ING1: variants seen among roughly 807,000 people sequenced by gnomAD.
ING1 encodes inhibitor of growth family member 1.
Under a neutral mutation model 23.1 loss-of-function variants are expected in ING1, and 4 were observed. That is an observed-to-expected ratio of 0.17 (90% confidence interval 0.09 to 0.40). The LOEUF is 0.40. ING1 is among the 10% of genes least tolerant of loss of function. The pLI is 1.00. For missense variants in ING1, 256 were observed against 393.8 expected (o/e 0.65, Z 2.96); for synonymous variants, 179 against 166.4 (o/e 1.08, Z -0.58).
intron 1 of ING1, chr13:110,715,294 T>G: frequency 7.3e-7 from 1 of 1,363,664 alleles, no homozygotes; most frequent in Non-Finnish European, 9.4e-7. Context: ...AAAAAAAAAA[T>G]TGACCGCTAT....
rs1318034724 is a variant in ING1, at chr13:110,719,206, A to C, written c.137-23A>C. On this transcript the variant is annotated intron_variant, in intron 1 of 1. Coordinates refer to ENST00000333219, the MANE Select transcript of ING1 (RefSeq NM_198219.3). The surrounding 1 kb of genome is among the most constrained non-coding windows in gnomAD (Gnocchi z 8.9). ...TGTCCCGGTGTCCTGCTCGCGAGTGACGCCTGTCCTTCTTGCCCCCAGAGA... is the reference window on the plus strand; with the variant it reads ...TGTCCCGGTGTCCTGCTCGCGAGTGCCGCCTGTCCTTCTTGCCCCCAGAGA... 6.2e-7 allele frequency: 1 copy of C among 1,610,090 alleles called. No individual in the cohort carries two copies. Among genetic ancestry groups the C allele is most frequent in the Non-Finnish European group, 8.5e-7 (1 of 1,177,986 alleles).
Position 110,719,517 on chromosome 13 carries a change from C to A in ING1, c.425C>A (p.Ala142Asp), listed in dbSNP as rs775697985. The change falls in exon 2 of 2, where the codon GCT becomes GAT. Residue 142 changes from alanine (A) to aspartate (D), a missense_variant. Ala to Asp is a moderately radical substitution (Grantham distance 126). Transcript: ENST00000333219. This position sits in a 1 kb window ranked among gnomAD's most constrained non-coding sequence, Gnocchi z 8.9. ...DRPKGEAAAQ[A>D]DKPNSKRSRR... is the part of the protein sequence containing the mutation. ...CCCAAAGGCGAGGCGGCAGCGCAGGCTGACAAGCCCAACAGCAAGCGCTCA... is the reference window on the plus strand; with the variant it reads ...CCCAAAGGCGAGGCGGCAGCGCAGGATGACAAGCCCAACAGCAAGCGCTCA... The A allele has an allele frequency of 1.2e-6, 2 of 1,611,108 alleles. No homozygotes were observed.
In ING1 at chr13:110,714,121, C is replaced by T; in HGVS notation, c.-29C>T. 1 of 1,506,236 alleles carries T rather than the reference C, an allele frequency of 6.6e-7. No individual in the cohort carries two copies. Among genetic ancestry groups the T allele is most frequent in the Admixed American group, 2.1e-5 (1 of 46,876 alleles). The allele number at this position is 1,506,236 out of a possible 1,614,324, so 93.3% of individuals were successfully genotyped here. The stretch of plus-strand genomic sequence containing the variant: ...GGGTGGAGGAAGCGGAAAGCCGCGC[C>T]GAGTCGCCGGGGACCTCCGGGGTGA... On this transcript the variant is annotated 5_prime_UTR_variant, in exon 1 of 2. Coordinates refer to ENST00000333219, the MANE Select transcript of ING1 (RefSeq NM_198219.3).
At chr13:110,713,120 C>T (rs572712703), upstream of ING1, 1 of 1,430,004 alleles carries the variant, frequency 7.0e-7, no homozygotes, top group Non-Finnish European at 9.1e-7. Context: ...AGTAAGAGTC[C>T]GGGGGGCATT....
In ING1 at chr13:110,719,143, C is replaced by T; in HGVS notation, c.137-86C>T. ...CGTGCGCTGGCCCCTAGGCTCCCTG[C>T]CAGCCCTCTCCGTAGACCCGTCCGG... is the stretch of plus-strand genomic sequence containing the variant. On this transcript the variant is annotated intron_variant, in intron 1 of 1. Transcript: ENST00000333219. This position sits in a 1 kb window ranked among gnomAD's most constrained non-coding sequence, Gnocchi z 8.9. 3.0e-6 allele frequency: 4 copies of T among 1,345,962 alleles called. No individual in the cohort carries two copies. Among genetic ancestry groups the T allele is most frequent in the Non-Finnish European group, 4.1e-6 (4 of 969,382 alleles). 83.4% of individuals were successfully genotyped at this position (1,345,962 alleles called of 1,614,324 possible).
At chr13:110,714,389 C>T in intron 1 of ING1, 104 bp downstream of exon 1, 1 of 1,125,156 alleles carries the variant, frequency 8.9e-7, no homozygotes, top group Non-Finnish European at 1.1e-6. Flanking sequence ...AGGAAGCGGC[C>T]GGCTCCGCAG....
chr13:110,713,320 C>T (rs896154385), upstream of ING1: 5 of 1,154,196 alleles, frequency 4.3e-6, no homozygotes, highest in Non-Finnish European at 5.4e-6. Flanking sequence ...TCGGAGGTTT[C>T]TGTCCCGCGG....
rs374944238 is a variant in ING1, at chr13:110,719,199, G to C, written c.137-30G>C. On this transcript the variant is annotated intron_variant, in intron 1 of 1. Coordinates refer to ENST00000333219, the MANE Select transcript of ING1 (RefSeq NM_198219.3). This position sits in a 1 kb window ranked among gnomAD's most constrained non-coding sequence, Gnocchi z 8.9. The stretch of plus-strand genomic sequence containing the variant: ...TGTGGGTTGTCCCGGTGTCCTGCTC[G>C]CGAGTGACGCCTGTCCTTCTTGCCC... 2.5e-6 allele frequency: 4 copies of C among 1,607,336 alleles called. No homozygotes were observed. In the East Asian group the frequency reaches 8.9e-5, roughly 36 times the overall value.
chr13:110,716,144 A>G (rs2064121041), intron 1 of ING1: 3 of 881,032 alleles, frequency 3.4e-6, no homozygotes, highest in South Asian at 2.7e-5. Context: ...GGCTGAGACC[A>G]CTTTGATCGT....
At chr13:110,715,045 T>G in intron 1 of ING1, 1 of 1,000,568 alleles carries the variant, frequency 1.0e-6, no homozygotes, top group Non-Finnish European at 1.2e-6. Flanking sequence ...ATCGCTGGCT[T>G]GGAGAGGACT....
At chr13:110,712,632 G>GGGGCGACGCGGGGGA (rs1404760538), upstream of ING1, 30 of 551,470 alleles carry the variant, frequency 5.4e-5, no homozygotes, top group East Asian at 9.3e-4. Context: ...GGAGGGTAGA[G>GGGGCGACGCGGGGGA]GGGCGACGCG....
Position 110,715,379 on chromosome 13 carries a change from T to C in ING1, c.136+1094T>C, listed in dbSNP as rs529512069. ...ATCCGAGACGTAGCTTCGCAGCGAA[T>C]TTTATAGGAACTTCATTAGCATATT... On this transcript the variant is annotated intron_variant, in intron 1 of 1. Transcript: ENST00000333219. The C allele has an allele frequency of 1.1e-5, 17 of 1,499,436 alleles. No homozygotes were observed. The East Asian group carries it at 1.6e-4, about 14-fold the overall frequency. The allele number at this position is 1,499,436 out of a possible 1,614,324, so 92.9% of individuals were successfully genotyped here.
In ING1 at chr13:110,721,285, T is replaced by C. The variant is rs2139978675; in HGVS notation, c.*1353T>C. 6.6e-6 allele frequency: 1 copy of C among 152,314 alleles called. No individual in the cohort carries two copies. Among genetic ancestry groups the C allele is most frequent in the East Asian group, 1.9e-4 (1 of 5,180 alleles). 9.4% of individuals were successfully genotyped at this position (152,314 alleles called of 1,614,324 possible). A position where few individuals can be genotyped will look rare whatever the true frequency, so the allele number is the denominator to read the frequency against. On this transcript the variant is annotated 3_prime_UTR_variant, in exon 2 of 2. Transcript: ENST00000333219. ...TGGAGTTTTCATTTATTATTTTTTATTTTTTTGAGATTGAGTTCCAGGCTG... is the reference window on the plus strand; with the variant it reads ...TGGAGTTTTCATTTATTATTTTTTACTTTTTTGAGATTGAGTTCCAGGCTG...
Position 110,713,962 on chromosome 13 carries a change from G to A in ING1, c.-188G>A, listed in dbSNP as rs182296162. 33,445 of 1,045,538 alleles carry A rather than the reference G, an allele frequency of 0.032. 590 individuals carry two copies. Among genetic ancestry groups the A allele is most frequent in the Non-Finnish European group, 0.036 (31,334 of 869,362 alleles). The allele number at this position is 1,045,538 out of a possible 1,614,324, so 64.8% of individuals were successfully genotyped here. A position where few individuals can be genotyped will look rare whatever the true frequency, so the allele number is the denominator to read the frequency against. ...ACCGCGGCCCGCGCCCTCAGGCGCT[G>A]GGGTCCCCGCGGACCCGGAGGCGGC... On this transcript the variant is annotated 5_prime_UTR_variant, in exon 1 of 2. Coordinates refer to ENST00000333219, the MANE Select transcript of ING1 (RefSeq NM_198219.3).
intron 1 of ING1, chr13:110,715,357 C>G (rs371161245): frequency 4.0e-6 from 6 of 1,484,878 alleles, no homozygotes; most frequent in Non-Finnish European, 4.5e-6. Context: ...GCGTTCTATC[C>G]GAGACGTAGC....
chr13:110,722,766 A>C lies in ING1; in HGVS notation c.*2834A>C, dbSNP rs1438479432. 6.6e-6 allele frequency: 1 copy of C among 152,204 alleles called. No individual in the cohort carries two copies. Among genetic ancestry groups the C allele is most frequent in the African/African-American group, 2.4e-5 (1 of 41,452 alleles). The allele number at this position is 152,204 out of a possible 1,614,324, so 9.4% of individuals were successfully genotyped here. On this transcript the variant is annotated 3_prime_UTR_variant, in exon 2 of 2. Transcript: ENST00000333219. ...TTATTCTTTAAAAAAAAATAGATAC[A>C]ATACAGAGTCGTGTTGGACTGGCAG...
Position 110,719,960 on chromosome 13 carries a change from G to C in ING1, c.*28G>C, listed in dbSNP as rs1161634642. 2 of 1,506,904 alleles carry C rather than the reference G, an allele frequency of 1.3e-6. No homozygotes were observed. The highest frequency in any genetic ancestry group is 2.3e-5 in the Admixed American group (1 of 43,174). 93.3% of individuals were successfully genotyped at this position (1,506,904 alleles called of 1,614,324 possible). A position where few individuals can be genotyped will look rare whatever the true frequency, so the allele number is the denominator to read the frequency against. ...TGTGGACAGGCGCCTGGTGTGAGGA[G>C]GACAAAATAAACCGTGTATTTATTA... On this transcript the variant is annotated 3_prime_UTR_variant, in exon 2 of 2. Coordinates refer to ENST00000333219, the MANE Select transcript of ING1 (RefSeq NM_198219.3). This position sits in a 1 kb window ranked among gnomAD's most constrained non-coding sequence, Gnocchi z 8.9.
chr13:110,713,552 C>G (rs1178138256), upstream of ING1: 1 of 986,090 alleles, frequency 1.0e-6, no homozygotes, highest in African/African-American at 1.7e-5. Flanking sequence ...CCGCGAGGGC[C>G]GGCCTGGAGC....
rs1267099196 is a variant in ING1 at position 110,722,828 on chromosome 13, A to G, written c.*2896A>G. The G allele has an allele frequency of 6.6e-6, 1 of 152,218 alleles. No homozygotes were observed. The highest frequency in any genetic ancestry group is 6.5e-5 in the Admixed American group (1 of 15,280). 9.4% of individuals were successfully genotyped at this position (152,218 alleles called of 1,614,324 possible). On this transcript the variant is annotated 3_prime_UTR_variant, in exon 2 of 2. Transcript: ENST00000333219. ...TCTTGTTATTTCCAGTGGACATTAA[A>G]AAAAAATCACAGATAAGTACTTAAA...
Sources: allele counts gnomAD v4.1 joint callset, GRCh38; gene constraint gnomAD v4.1.1; non-coding constraint Gnocchi (gnomAD v3.1); transcripts MANE v1.5; gene names NCBI Gene and HGNC (gene_info 2026-07-23, HGNC 2026-07-21).